The following SBF2 variants were observed in gnomAD, a reference collection of about 807,000 sequenced individuals.
SBF2 encodes the protein SET binding factor 2.
A neutral mutation model predicts 225.2 loss-of-function variants in SBF2; 112 were observed. The observed-to-expected ratio is 0.50, with a 90% CI of 0.43 to 0.58. The LOEUF (loss-of-function observed/expected upper bound fraction) is 0.58. Among genes scored for constraint, SBF2 ranks in the 20% least tolerant of loss-of-function variants. The probability of loss-of-function intolerance (pLI) is 0.00; values close to 1 mark genes in which losing one functional copy is unlikely to be tolerated. For synonymous variants in SBF2, 763 were observed against 773.3 expected, an observed-to-expected ratio of 0.99 and a Z score of 0.22; for missense variants, 1,996 against 2,206.2, an observed-to-expected ratio of 0.90 and a Z score of 1.91.
intron 1 of SBF2, among the ~76,000 whole-genome samples, chr11:10,286,166 G>GCA (rs57445416): frequency 0.092 from 13,538 of 147,234 alleles, 665 homozygotes; most frequent in Middle Eastern, 0.16. Context: ...ACACGCACAC[G>GCA]CACACACACA....
At position 10,149,476 on chromosome 11, in the gene SBF2, A is replaced by C. The variant is rs182090422; in HGVS notation, c.141+44426T>G. On this transcript the variant is annotated intron_variant, in intron 2 of 39. Transcript: ENST00000256190. ...TGACTACATTTGGCAAGGTAATGCA[A>C]TTACAATGAACACACACTACTAACA... 8.5e-5 allele frequency: 13 copies of C among 152,350 alleles called. No homozygotes were observed. The East Asian group carries it at 2.5e-3, about 29-fold the overall frequency. 9.4% of individuals were successfully genotyped at this position (152,350 alleles called of 1,614,324 possible). A position where few individuals can be genotyped will look rare whatever the true frequency, so the allele number is the denominator to read the frequency against.
At chr11:9,800,944 G>A (rs542674457) in intron 32 of SBF2, among the ~76,000 whole-genome samples, 1 of 152,060 alleles carries the variant, frequency 6.6e-6, no homozygotes, top group Admixed American at 6.6e-5. Context: ...TCTAGCTAGA[G>A]GTTTATCAAT....
At chr11:10,182,132 T>C (rs975488206) in intron 2 of SBF2, among the ~76,000 whole-genome samples, 6 of 152,148 alleles carry the variant, frequency 3.9e-5, no homozygotes, top group African/African-American at 1.4e-4. Context: ...AAAGAATTAT[T>C]CAAAGTCAAG....
intron 16 of SBF2, among the ~76,000 whole-genome samples, chr11:9,898,391 C>T (rs1177119730): frequency 1.3e-5 from 2 of 152,180 alleles, no homozygotes; most frequent in Non-Finnish European, 2.9e-5. Flanking sequence ...GATTATAAGG[C>T]TGGGCACGGT....
intron 17 of SBF2, among the ~76,000 whole-genome samples, chr11:9,858,616 G>A (rs149112786): frequency 9.7e-4 from 147 of 152,010 alleles, no homozygotes; most frequent in African/African-American, 3.4e-3. Flanking sequence ...TATCAAAATG[G>A]GTATTTTAGT....
intron 26 of SBF2, among the ~76,000 whole-genome samples, chr11:9,835,543 G>A (rs186481758): frequency 6.6e-6 from 1 of 150,402 alleles, no homozygotes; most frequent in African/African-American, 2.4e-5. Context: ...GAGGTGGAAG[G>A]ATCGCCTGAG....
At chr11:10,241,386 A>G (rs1446293771) in intron 1 of SBF2, among the ~76,000 whole-genome samples, 2 of 152,118 alleles carry the variant, frequency 1.3e-5, no homozygotes, top group Non-Finnish European at 2.9e-5. Flanking sequence ...CTAAAAATCA[A>G]TGATGTAAAA....
In SBF2 at chr11:9,939,303, G is replaced by A. The variant is rs1565033833; in HGVS notation, c.1860+22654C>T. On this transcript the variant is annotated intron_variant, in intron 16 of 39. Transcript: ENST00000256190. ...AGTAGAGACGGGGTTTCACCACCTT[G>A]GCCAGGCTGGTGTTGATCTCCGGAC... Among the ~76,000 whole-genome samples, 11 of 152,110 alleles carry A rather than the reference G, an allele frequency of 7.2e-5. No homozygotes were observed. The South Asian group carries it at 2.3e-3, about 32-fold the overall frequency.
intron 1 of SBF2, among the ~76,000 whole-genome samples, chr11:10,274,201 C>G (rs1962773362): frequency 6.6e-6 from 1 of 152,188 alleles, no homozygotes; most frequent in African/African-American, 2.4e-5. Context: ...GCTTTGAGTT[C>G]AAGCCAATCC....
Position 9,780,337 on chromosome 11 carries a change from C to A in SBF2, c.*81G>T, listed in dbSNP as rs1564845379. The A allele has an allele frequency of 8.0e-7, 1 of 1,244,770 alleles. No individual in the cohort carries two copies. Among genetic ancestry groups the A allele is most frequent in the East Asian group, 2.4e-5 (1 of 42,340 alleles). The allele number at this position is 1,244,770 out of a possible 1,614,324, so 77.1% of individuals were successfully genotyped here. ...GCCCTGGGATAACTTGTTGTCAGCT[C>A]CTCAAGGATCCATGCTTCTTTTTCT... On this transcript the variant is annotated 3_prime_UTR_variant, in exon 40 of 40. Coordinates refer to ENST00000256190, the MANE Select transcript of SBF2 (RefSeq NM_030962.4).
chr11:10,113,801 A>ATT (rs1952996065), intron 2 of SBF2, among the ~76,000 whole-genome samples: 1 of 102,410 alleles, frequency 9.8e-6, no homozygotes, highest in Admixed American at 1.0e-4. Flanking sequence ...TGCAGTTTAA[A>ATT]AAAAAAAAAA....
In SBF2 at chr11:10,147,331, A is replaced by G. The variant is rs1954938238; in HGVS notation, c.141+46571T>C. ...ATGAAGTCAACCTAAATGTCCATCA[A>G]TGGTAGACTGGATACAGAAAATGTG... On this transcript the variant is annotated intron_variant, in intron 2 of 39. Transcript: ENST00000256190. 2.0e-5 allele frequency among the ~76,000 whole-genome samples: 3 copies of G among 152,222 alleles called. No homozygotes were observed. In the South Asian group the frequency reaches 6.2e-4, roughly 32 times the overall value.
intron 16 of SBF2, among the ~76,000 whole-genome samples, chr11:9,897,888 T>G (rs553777148): frequency 3.9e-5 from 6 of 152,298 alleles, no homozygotes; most frequent in African/African-American, 1.4e-4. Context: ...CTCTAGACAC[T>G]GCCTTTTGTA....
chr11:10,033,596 C>G (rs1949336708), intron 3 of SBF2, among the ~76,000 whole-genome samples: 1 of 151,748 alleles, frequency 6.6e-6, no homozygotes, highest in Admixed American at 6.6e-5. Context: ...TATAAGAATG[C>G]AATGTCCTAA....
chr11:9,895,323 T>C (rs1861157385), intron 17 of SBF2, among the ~76,000 whole-genome samples: 1 of 152,234 alleles, frequency 6.6e-6, no homozygotes, highest in Non-Finnish European at 1.5e-5. Flanking sequence ...ATGTATTAAA[T>C]GCATTGTTCT....
Position 9,781,368 on chromosome 11 carries a change from C to G in SBF2, c.5451+139G>C, listed in dbSNP as rs1052510016. 22 of 1,118,742 alleles carry G rather than the reference C, an allele frequency of 2.0e-5. No homozygotes were observed. In the African/African-American group the frequency reaches 3.4e-4, roughly 17 times the overall value. 69.3% of individuals were successfully genotyped at this position (1,118,742 alleles called of 1,614,324 possible). A position where few individuals can be genotyped will look rare whatever the true frequency, so the allele number is the denominator to read the frequency against. ...GGGTCAATAATGCTGAGTTCAAGCT[C>G]TGGAACAATTCCCATAGCCAAGGGG... On this transcript the variant is annotated intron_variant, in intron 39 of 39. Coordinates refer to ENST00000256190, the MANE Select transcript of SBF2 (RefSeq NM_030962.4).
At chr11:9,993,835 T>A in intron 10 of SBF2, 86 bp downstream of exon 10, 1 of 1,372,742 alleles carries the variant, frequency 7.3e-7, no homozygotes. Context: ...CATCTAACTC[T>A]AACTTCACTT....
intron 1 of SBF2, among the ~76,000 whole-genome samples, chr11:10,235,652 A>T (rs1959040487): frequency 6.6e-6 from 1 of 152,194 alleles, no homozygotes; most frequent in African/African-American, 2.4e-5. Flanking sequence ...AATCCTTCAA[A>T]CGTTTCTATA....
rs929108873 is a variant in SBF2 at position 9,845,593 on chromosome 11, T to C, written c.3082A>G (p.Lys1028Glu). ...GQTTPQIILP[K>E]QKEKNTSFRT... ...AAAGAAGTGTTCTTTTCCTTCTGTT[T>C]TGGTAAAATTATTTGTGGGGTAGTT... The change falls in exon 24 of 40, where the codon AAA becomes GAA. Residue 1028 changes from lysine (K) to glutamate (E), a missense_variant. Lys to Glu is a moderately conservative substitution (Grantham distance 56, BLOSUM62 1). Transcript: ENST00000256190. 12 of 1,613,768 alleles carry C rather than the reference T, an allele frequency of 7.4e-6. No individual in the cohort carries two copies. The highest frequency in any genetic ancestry group is 1.3e-5 in the African/African-American group (1 of 74,912).
Sources: allele counts gnomAD v4.1 joint callset (sites outside exome capture counted in the v4.1 genomes callset), GRCh38; gene constraint gnomAD v4.1.1; transcripts MANE v1.5; gene names NCBI Gene and HGNC (gene_info 2026-07-23, HGNC 2026-07-21).